FAM151A: variants seen among roughly 807,000 people sequenced by gnomAD.
FAM151A encodes the protein family with sequence similarity 151 member A.
In FAM151A, 41 loss-of-function variants were observed where a neutral mutation model predicts 40.4. That is an observed-to-expected ratio of 1.01 (90% CI 0.79 to 1.32). FAM151A has a LOEUF of 1.32. Ranked by LOEUF, FAM151A falls within the 40% of genes most tolerant of loss-of-function variation. The probability of loss-of-function intolerance (pLI) is 0.00; values close to 1 mark genes in which losing one functional copy is unlikely to be tolerated. For synonymous variants in FAM151A, 337 were observed against 312.5 expected, an observed-to-expected ratio of 1.08 and a Z score of -0.83; for missense variants, 740 against 740.4, an observed-to-expected ratio of 1.00 and a Z score of 0.01.
intron 1 of FAM151A, among the ~76,000 whole-genome samples, chr1:54,620,845 C>CAAAAAAAAAAAAAAAAAA (rs767625864): frequency 8.3e-5 from 1 of 12,118 alleles, no homozygotes; most frequent in Admixed American, 1.5e-3. Context: ...GAGACTCTGT[C>CAAAAAAAAAAAAAAAAAA]AAAAAAAAAA....
chr1:54,610,201 A>G (rs1644101598), intron 7 of FAM151A: 1 of 1,433,866 alleles, frequency 7.0e-7, no homozygotes, highest in Non-Finnish European at 9.1e-7. Context: ...GCAGCAATGT[A>G]GCTGAGGACT....
chr1:54,622,907 A>T (rs1437959420), intron 1 of FAM151A, among the ~76,000 whole-genome samples: 1 of 151,298 alleles, frequency 6.6e-6, no homozygotes, highest in African/African-American at 2.4e-5. Flanking sequence ...AGGCATGATG[A>T]CTCACACCTG....
At chr1:54,610,245 T>C in intron 7 of FAM151A, 167 bp downstream of exon 7, 3 of 1,451,648 alleles carry the variant, frequency 2.1e-6, no homozygotes, top group Non-Finnish European at 2.7e-6. Context: ...GCTCTTGACA[T>C]CACTGTACTC....
Position 54,619,976 on chromosome 1 carries a change from G to T in FAM151A, c.150C>A (p.Ala50=). The change falls in exon 2 of 8, where the codon GCC becomes GCA. Residue 50 remains alanine, a synonymous_variant. Transcript: ENST00000302250. ...GCELEACSPD[A]DMLDYLLSLG... is the part of the protein sequence containing the mutation. ...GGCTCAGCAGGTAGTCCAGCATGTCGGCATCAGGGCTGCAGGCCTCCAGCT... is the reference window on the plus strand; with the variant it reads ...GGCTCAGCAGGTAGTCCAGCATGTCTGCATCAGGGCTGCAGGCCTCCAGCT... 6.2e-7 allele frequency: 1 copy of T among 1,614,068 alleles called. No homozygotes were observed. Among genetic ancestry groups the T allele is most frequent in the East Asian group, 2.2e-5 (1 of 44,876 alleles).
At chr1:54,617,044 C>T (rs1476805064) in intron 2 of FAM151A, among the ~76,000 whole-genome samples, 3 of 152,198 alleles carry the variant, frequency 2.0e-5, no homozygotes, top group Non-Finnish European at 4.4e-5. Context: ...AAACTGCTTT[C>T]CGGAAAAGTT....
intron 1 of FAM151A, 76 bp downstream of exon 1, chr1:54,623,202 G>A: frequency 3.1e-6 from 3 of 956,280 alleles, no homozygotes; most frequent in Non-Finnish European, 5.0e-6. Context: ...ACTGGTCAGA[G>A]CTGTAAGTGA....
chr1:54,616,205 T>C (rs1460291853), intron 2 of FAM151A, 33 bp from the exon 3 acceptor site: 2 of 1,564,098 alleles, frequency 1.3e-6, no homozygotes, highest in East Asian at 4.5e-5. Flanking sequence ...GTGAGTTCCT[T>C]TTTTTAAAAA....
chr1:54,619,816 T>G, intron 2 of FAM151A, 48 bp downstream of exon 2: 1 of 1,597,974 alleles, frequency 6.3e-7, no homozygotes, highest in Non-Finnish European at 8.6e-7. Flanking sequence ...CCCTCTGTCT[T>G]CTCTATCCCT....
intron 6 of FAM151A, 57 bp downstream of exon 6, chr1:54,611,549 A>C: frequency 6.4e-7 from 1 of 1,573,586 alleles, no homozygotes; most frequent in Non-Finnish European, 8.7e-7. Context: ...AGTGCCCACC[A>C]GGTGCTGCTC....
chr1:54,612,841 A>G (rs1039537064), intron 4 of FAM151A, 131 bp from the exon 5 acceptor site: 373 of 678,008 alleles, frequency 5.5e-4, no homozygotes, highest in Non-Finnish European at 4.4e-4. Flanking sequence ...CAGAGTCCCA[A>G]AGGACAGAAT....
At chr1:54,620,201 T>C (rs1308245504) in intron 1 of FAM151A, among the ~76,000 whole-genome samples, 194 bp from the exon 2 acceptor site, 1 of 152,134 alleles carries the variant, frequency 6.6e-6, no homozygotes, top group Non-Finnish European at 1.5e-5. Context: ...GGAAGCCTCA[T>C]TACCAGCCTG....
rs560177811 is a variant in FAM151A, at chr1:54,620,046, G to A, written c.119-39C>T. 8.5e-5 allele frequency: 137 copies of A among 1,603,154 alleles called. 1 individual carries two copies. The South Asian group carries it at 1.4e-3, about 16-fold the overall frequency. On this transcript the variant is annotated intron_variant, in intron 1 of 7. Transcript: ENST00000302250. Reference sequence around the variant, plus strand: ...CAAGGGGCTGTTAGCGTCTGTCCTCGCCCCAGCCCAAGACTCATGTTCGTT... The same window carrying A: ...CAAGGGGCTGTTAGCGTCTGTCCTCACCCCAGCCCAAGACTCATGTTCGTT...
intron 2 of FAM151A, among the ~76,000 whole-genome samples, chr1:54,616,971 G>T (rs1569793674): frequency 7.1e-6 from 1 of 141,474 alleles, no homozygotes; most frequent in East Asian, 2.0e-4. Context: ...CTCTCAAAGT[G>T]TTGAGATTAC....
intron 5 of FAM151A, among the ~76,000 whole-genome samples, chr1:54,612,181 T>G (rs1216284301): frequency 6.6e-6 from 1 of 151,678 alleles, no homozygotes; most frequent in Non-Finnish European, 1.5e-5. Flanking sequence ...AGGCACAATC[T>G]GTGTAGCCCC....
chr1:54,611,506 C>T (rs1644117867), intron 6 of FAM151A, 100 bp downstream of exon 6: 5 of 1,284,872 alleles, frequency 3.9e-6, no homozygotes, highest in South Asian at 1.4e-5. Flanking sequence ...CGGCCTTCCC[C>T]CTTCTGATAT....
chr1:54,610,411 C>G lies in FAM151A; in HGVS notation c.1084+1G>C. The G allele has an allele frequency of 6.2e-7, 1 of 1,612,858 alleles. No homozygotes were observed. Among genetic ancestry groups the G allele is most frequent in the Non-Finnish European group, 8.5e-7 (1 of 1,179,246 alleles). On this transcript the variant is annotated splice_donor_variant, in intron 7 of 7. Coordinates refer to ENST00000302250, the MANE Select transcript of FAM151A (RefSeq NM_176782.3). LOFTEE classifies it high-confidence loss of function. ...CACCGGGGCTGAAGGGTAGACCTTA[C>G]CTGGGAGGGTCATTGTTGCTGTTTT...
intron 1 of FAM151A, among the ~76,000 whole-genome samples, chr1:54,620,491 A>AGAT (rs1644219164): frequency 6.6e-6 from 1 of 152,102 alleles, no homozygotes; most frequent in South Asian, 2.1e-4. Flanking sequence ...GGATCACCTG[A>AGAT]GATTAGGAGT....
At chr1:54,613,619 A>T (rs1344772640) in intron 4 of FAM151A, among the ~76,000 whole-genome samples, 1 of 152,052 alleles carries the variant, frequency 6.6e-6, no homozygotes, top group Non-Finnish European at 1.5e-5. Flanking sequence ...CCTTGATGAA[A>T]ATATTTTAGT....
chr1:54,621,160 C>CAA (rs55905389), intron 1 of FAM151A, among the ~76,000 whole-genome samples: 8 of 107,962 alleles, frequency 7.4e-5, no homozygotes, highest in Non-Finnish European at 9.6e-5. Context: ...GACACTGTCT[C>CAA]AAAAAAAAAA....
Sources: allele counts gnomAD v4.1 joint callset (sites outside exome capture counted in the v4.1 genomes callset), GRCh38; gene constraint gnomAD v4.1.1; transcripts MANE v1.5; gene names NCBI Gene and HGNC (gene_info 2026-07-23, HGNC 2026-07-21).